NGFR: variants seen among roughly 807,000 people sequenced by gnomAD.
NGFR encodes the protein nerve growth factor receptor.
Under a neutral mutation model 43.2 loss-of-function variants are expected in NGFR, and 30 were observed. The observed-to-expected ratio is 0.69, with a 90% CI of 0.52 to 0.94. The LOEUF is 0.94. Among genes scored for constraint, NGFR ranks in the 40% least tolerant of loss-of-function variants. The pLI is 0.00. For synonymous variants in NGFR, 246 were observed against 259.6 expected (o/e 0.95, Z 0.50); for missense variants, 529 against 602.5 (o/e 0.88, Z 1.28).
chr17:49,513,087 C>T lies in NGFR; in HGVS notation c.*78C>T. On this transcript the variant is annotated 3_prime_UTR_variant, in exon 6 of 6. Coordinates refer to ENST00000172229, the MANE Select transcript of NGFR (RefSeq NM_002507.4). ...GCCAACCCCTGTGGAGCCCGCACCC[C>T]CACCCTTTGGGGGGGGCCCGCCTGG... 7.1e-7 allele frequency: 1 copy of T among 1,410,448 alleles called. No homozygotes were observed. The highest frequency in any genetic ancestry group is 9.3e-7 in the Non-Finnish European group (1 of 1,073,488). 87.4% of individuals were successfully genotyped at this position (1,410,448 alleles called of 1,614,324 possible).
intron 3 of NGFR, 29 bp downstream of exon 3, chr17:49,506,687 T>TGGGGGGGGGGGGGGGGGGGGGGGGG: frequency 2.3e-5 from 3 of 128,680 alleles, no homozygotes; most frequent in East Asian, 1.8e-4. Context: ...GCGGGGGGAG[T>TGGGGGGGGGGGGGGGGGGGGGGGGG]GGGGGTGCGG....
chr17:49,503,127 C>T (rs2071177508), intron 2 of NGFR, among the ~76,000 whole-genome samples: 1 of 152,136 alleles, frequency 6.6e-6, no homozygotes, highest in African/African-American at 2.4e-5. Flanking sequence ...ACCATGTGGA[C>T]CAGGCTGGTC....
intron 3 of NGFR, 95 bp downstream of exon 3, chr17:49,506,753 C>A (rs950669497): frequency 8.0e-7 from 1 of 1,247,162 alleles, no homozygotes; most frequent in Non-Finnish European, 1.1e-6. Context: ...AGGACCCTGC[C>A]TGGCCTGCTG....
rs375329713 is a variant in NGFR at position 49,512,066 on chromosome 17, C to G, written c.982+14C>G. ...CCTCGGGCCAGGGTGAGCAGCGGCC[C>G]GCTGGGGAGCTGAGGCGGAGCTGAG... On this transcript the variant is annotated intron_variant, in intron 5 of 5. Transcript: ENST00000172229. The surrounding 1 kb of genome is among the most constrained non-coding windows in gnomAD (Gnocchi z 5.2). The G allele has an allele frequency of 2.5e-6, 4 of 1,609,424 alleles. No individual in the cohort carries two copies. Among genetic ancestry groups the G allele is most frequent in the African/African-American group, 2.7e-5 (2 of 74,818 alleles).
chr17:49,511,619 T>C (rs1385313881), intron 4 of NGFR, among the ~76,000 whole-genome samples: 2 of 151,950 alleles, frequency 1.3e-5, no homozygotes, highest in East Asian at 1.9e-4. Context: ...GAAGGGTAGA[T>C]TGGGAGAAGA....
At chr17:49,500,391 C>T (rs2071161218) in intron 1 of NGFR, among the ~76,000 whole-genome samples, 1 of 152,198 alleles carries the variant, frequency 6.6e-6, no homozygotes, top group South Asian at 2.1e-4. Context: ...TACTGCATGC[C>T]AGATACCGCA....
Position 49,506,412 on chromosome 17 carries a change from C to A in NGFR, c.322C>A (p.Arg108Ser), listed in dbSNP as rs746284856. The A allele has an allele frequency of 3.7e-6, 6 of 1,604,940 alleles. No homozygotes were observed. The highest frequency in any genetic ancestry group is 3.4e-6 in the Non-Finnish European group (4 of 1,178,236). Residue 108 changes from arginine to serine, a missense_variant, in exon 3 of 6, where the codon CGC becomes AGC. Physicochemically the swap from Arg to Ser is moderately radical, Grantham distance 110. Transcript: ENST00000172229. ...CGTGGAGGCCGACGACGCCGTGTGC[C>A]GCTGCGCCTACGGCTACTACCAGGA... The part of the protein sequence containing the change: ...PCVEADDAVC[R>S]CAYGYYQDET...
chr17:49,506,562 G>T lies in NGFR; in HGVS notation c.472G>T (p.Ala158Ser), dbSNP rs2071199671. Residue 158 changes from alanine (A) to serine (S), a missense_variant, in exon 3 of 6, where the codon GCC (alanine) becomes TCC (serine). Ala to Ser is a moderately conservative substitution (Grantham distance 99). Coordinates refer to ENST00000172229, the MANE Select transcript of NGFR (RefSeq NM_002507.4). ...ECPDGTYSDE[A>S]NHVDPCLPCT... ...CCCCGACGGCACGTATTCCGACGAG[G>T]CCAACCACGTGGACCCGTGCCTGCC... 6.2e-7 allele frequency: 1 copy of T among 1,611,402 alleles called. No individual in the cohort carries two copies. The highest frequency in any genetic ancestry group is 8.5e-7 in the Non-Finnish European group (1 of 1,179,536).
rs145359531 is a variant in NGFR at position 49,502,182 on chromosome 17, C to G, written c.186C>G (p.Thr62=). 3 of 1,609,124 alleles carry G rather than the reference C, an allele frequency of 1.9e-6. No homozygotes were observed. Among genetic ancestry groups the G allele is most frequent in the East Asian group, 4.5e-5 (2 of 44,756 alleles). The change falls in exon 2 of 6, where the codon ACC becomes ACG. Residue 62 remains threonine, a synonymous_variant. Transcript: ENST00000172229. ...GVAQPCGANQ[T]VCEPCLDSVT... ...CCCAGCCTTGTGGAGCCAACCAGACCGTGTGTGAGCCCTGCCTGGACAGTG... is the reference window on the plus strand; with the variant it reads ...CCCAGCCTTGTGGAGCCAACCAGACGGTGTGTGAGCCCTGCCTGGACAGTG...
In NGFR at chr17:49,513,032, C is replaced by T; in HGVS notation, c.*23C>T. The T allele has an allele frequency of 6.7e-7, 1 of 1,489,718 alleles. No homozygotes were observed. 92.3% of individuals were successfully genotyped at this position (1,489,718 alleles called of 1,614,324 possible). ...TGAGCCCAACCGGGGAGCCCCCGCC[C>T]CGCCCCACATTCCGACAACCGATGC... On this transcript the variant is annotated 3_prime_UTR_variant, in exon 6 of 6. Coordinates refer to ENST00000172229, the MANE Select transcript of NGFR (RefSeq NM_002507.4).
At chr17:49,511,795 A>T in intron 4 of NGFR, 97 bp from the exon 5 acceptor site, 1 of 1,384,758 alleles carries the variant, frequency 7.2e-7, no homozygotes, top group East Asian at 2.7e-5. Context: ...GGCACCCGCC[A>T]TGCCCCTGGC....
intron 1 of NGFR, chr17:49,497,030 T>G (rs2071142420): frequency 6.6e-6 from 1 of 152,262 alleles, no homozygotes; most frequent in Non-Finnish European, 1.5e-5. Flanking sequence ...TTTAAACGAC[T>G]TGGCCAAGAT....
chr17:49,502,000 A>ACCCCCCCCCCCACC, intron 1 of NGFR, 63 bp from the exon 2 acceptor site: 1 of 264,886 alleles, frequency 3.8e-6, no homozygotes, highest in Non-Finnish European at 7.9e-6. Context: ...CCCCGGAAGA[A>ACCCCCCCCCCCACC]CCCCCCCCAA....
At position 49,510,591 on chromosome 17, in the gene NGFR, A is replaced by G; in HGVS notation, c.748A>G (p.Asn250Asp). 6.2e-7 allele frequency: 1 copy of G among 1,614,040 alleles called. No homozygotes were observed. The highest frequency in any genetic ancestry group is 1.3e-5 in the African/African-American group (1 of 75,012). ...CGTGGTGACCCGAGGCACCACCGAC[A>G]ACCTCATCCCTGTCTATTGCTCCAT... is the stretch of plus-strand genomic sequence containing the variant. ...QPVVTRGTTD[N>D]LIPVYCSILA... The change falls in exon 4 of 6, where the codon AAC becomes GAC. Residue 250 changes from asparagine (N) to aspartate (D), a missense_variant. Physicochemically the swap from Asn to Asp is conservative, Grantham distance 23. Coordinates refer to ENST00000172229, the MANE Select transcript of NGFR (RefSeq NM_002507.4).
Position 49,512,408 on chromosome 17 carries a change from A to C in NGFR, c.983-300A>C, listed in dbSNP as rs182624909. Among the ~76,000 whole-genome samples, 78 of 152,284 alleles carry C rather than the reference A, an allele frequency of 5.1e-4. 1 individual carries two copies. In the East Asian group the frequency reaches 0.011, roughly 21 times the overall value. On this transcript the variant is annotated intron_variant, in intron 5 of 5. Transcript: ENST00000172229. The surrounding 1 kb of genome is among the most constrained non-coding windows in gnomAD (Gnocchi z 5.2). ...TAGTGGCCCATAGCCCAGCTCCGGG[A>C]CACTTGCTGTAGTTGTCTAGAACTG...
chr17:49,510,800 C>A, intron 4 of NGFR, 136 bp downstream of exon 4: 1 of 1,120,852 alleles, frequency 8.9e-7, no homozygotes, highest in Non-Finnish European at 1.3e-6. Context: ...CATCATCTGC[C>A]GCCCCACTCC....
chr17:49,509,814 A>C (rs1483568693), intron 3 of NGFR, among the ~76,000 whole-genome samples: 4 of 152,160 alleles, frequency 2.6e-5, no homozygotes, highest in African/African-American at 7.2e-5. Flanking sequence ...CTTTCCACCC[A>C]AGCCTAGAGC....
chr17:49,509,710 G>A (rs1268483674), intron 3 of NGFR, among the ~76,000 whole-genome samples: 4 of 152,254 alleles, frequency 2.6e-5, no homozygotes, highest in African/African-American at 9.6e-5. Context: ...GGCAGGATCA[G>A]GCTAGGTGGG....
At chr17:49,506,694 G>GCCC in intron 3 of NGFR, 36 bp downstream of exon 3, 2 of 913,228 alleles carry the variant, frequency 2.2e-6, no homozygotes, top group Non-Finnish European at 3.0e-6. Context: ...GAGTGGGGGT[G>GCCC]CGGGGGTGGG....
Sources: gnomAD v4.1 joint callset for allele counts (sites outside exome capture counted in the v4.1 genomes callset) on GRCh38, gnomAD v4.1.1 for gene constraint, Gnocchi (gnomAD v3.1) non-coding constraint, MANE v1.5 for transcripts, NCBI Gene and HGNC (gene_info 2026-07-23, HGNC 2026-07-21) for gene names.